PATJ: variants seen among roughly 807,000 people sequenced by gnomAD.
PATJ encodes PATJ crumbs cell polarity complex component, also known as inaD-like protein.
PATJ carries 190 observed loss-of-function variants against 224.9 expected under a neutral mutation model. The ratio of observed to expected loss-of-function variants is 0.84; its 90% CI spans 0.75 to 0.95. The LOEUF (loss-of-function observed/expected upper bound fraction) is 0.95. PATJ is among the 40% of genes least tolerant of loss of function. The pLI is 0.00. For missense variants in PATJ, 2,121 were observed against 2,270.3 expected, an observed-to-expected ratio of 0.93 and a Z score of 1.34; for synonymous variants, 769 against 820.3, an observed-to-expected ratio of 0.94 and a Z score of 1.07.
chr1:62,112,634 T>C (rs1057204351), intron 34 of PATJ, among the ~76,000 whole-genome samples: 7 of 152,234 alleles, frequency 4.6e-5, no homozygotes, highest in African/African-American at 7.2e-5. Flanking sequence ...AACTGACATC[T>C]TGGGGGAGCT....
rs770415215 is a variant in PATJ at position 61,864,577 on chromosome 1, G to A, written c.2779G>A (p.Gly927Arg). 79 of 1,610,562 alleles carry A rather than the reference G, an allele frequency of 4.9e-5. No homozygotes were observed. In the East Asian group the frequency reaches 1.6e-3, roughly 32 times the overall value. Residue 927 changes from glycine to arginine, a missense_variant, in exon 20 of 44, where the codon GGG becomes AGG. By Grantham distance (125) the Gly-to-Arg change is moderately radical. Transcript: ENST00000642238. ...EPSESQEART[G>R]RTVYSQEAQP... ...ATCCGAGTCTCAAGAGGCAAGAACC[G>A]GGAGGACTGTCTATTCCCAGGAGGC...
intron 32 of PATJ, 108 bp from the exon 33 acceptor site, chr1:62,084,407 G>C: frequency 8.6e-7 from 1 of 1,166,748 alleles, no homozygotes; most frequent in Non-Finnish European, 1.2e-6. Context: ...GGCAGGAAAA[G>C]AGTGCAGTGA....
intron 26 of PATJ, among the ~76,000 whole-genome samples, chr1:61,921,504 T>C (rs1175926361): frequency 6.6e-6 from 1 of 152,214 alleles, no homozygotes; most frequent in Non-Finnish European, 1.5e-5. Context: ...GAGGTGTTTC[T>C]TTTTCCCTAC....
In PATJ at chr1:62,121,180, G is replaced by T. The variant is rs537327625; in HGVS notation, c.4891-1G>T. On this transcript the variant is annotated splice_acceptor_variant, in intron 37 of 43. Coordinates refer to ENST00000642238, the MANE Select transcript of PATJ (RefSeq NM_001350145.3). LOFTEE classifies it high-confidence loss of function. The stretch of plus-strand genomic sequence containing the variant: ...AGGTGACCCCTGGGTCTTTCTTTCA[G>T]GGTAGTCAGCAGAGTGCACACAGCA... The T allele has an allele frequency of 6.2e-7, 1 of 1,608,142 alleles. No homozygotes were observed. Among genetic ancestry groups the T allele is most frequent in the South Asian group, 1.1e-5 (1 of 90,440 alleles).
At chr1:61,826,620 C>A (rs774429444) in intron 15 of PATJ, among the ~76,000 whole-genome samples, 1 of 151,772 alleles carries the variant, frequency 6.6e-6, no homozygotes, top group Non-Finnish European at 1.5e-5. Context: ...ATCTTTGGAG[C>A]CAAGTATTAT....
chr1:62,058,164 T>G (rs911034378), intron 31 of PATJ, among the ~76,000 whole-genome samples: 6 of 152,178 alleles, frequency 3.9e-5, no homozygotes, highest in African/African-American at 1.4e-4. Flanking sequence ...AGTTTCTTTG[T>G]GGAGATTTTA....
intron 27 of PATJ, among the ~76,000 whole-genome samples, chr1:61,959,425 A>ATTTTTTTCTTTTTT (rs1557944867): frequency 1.6e-5 from 1 of 61,152 alleles, no homozygotes; most frequent in African/African-American, 6.7e-5. Context: ...TATATAATAT[A>ATTTTTTTCTTTTTT]TTTTTTTTCT....
intron 16 of PATJ, among the ~76,000 whole-genome samples, chr1:61,828,460 G>A (rs936990107): frequency 7.9e-5 from 12 of 151,048 alleles, no homozygotes; most frequent in Admixed American, 6.6e-4. Flanking sequence ...TTTGAACATG[G>A]CTCACTGTAG....
At position 61,852,632 on chromosome 1, in the gene PATJ, G is replaced by A. The variant is rs902954890; in HGVS notation, c.2113-3398G>A. On this transcript the variant is annotated intron_variant, in intron 17 of 43. Transcript: ENST00000642238. ...ATGTAAATATGCCTGGGGGCCTGGG[G>A]GTTGGGTAAGGGTTTTGAGAAGTGT... is the stretch of plus-strand genomic sequence containing the variant. 2.0e-5 allele frequency: 3 copies of A among 152,268 alleles called. No homozygotes were observed. The South Asian group carries it at 6.2e-4, about 32-fold the overall frequency. 9.4% of individuals were successfully genotyped at this position (152,268 alleles called of 1,614,324 possible).
In PATJ at chr1:62,161,326, G is replaced by A. The variant is rs992773488; in HGVS notation, c.*272G>A. On this transcript the variant is annotated 3_prime_UTR_variant, in exon 44 of 44. Transcript: ENST00000642238. ...GTTTTGCATTTAATTTCAGTGTTCC[G>A]ATTTCTTTTTTTTTTTTTTTTTTTT... The A allele has an allele frequency of 6.5e-5, 14 of 215,136 alleles. No homozygotes were observed. The highest frequency in any genetic ancestry group is 2.7e-4 in the African/African-American group (10 of 37,682). The allele number at this position is 215,136 out of a possible 1,614,324, so 13.3% of individuals were successfully genotyped here.
chr1:61,762,973 G>A (rs1646049722), intron 2 of PATJ, 40 bp from the exon 3 acceptor site: 1 of 1,546,248 alleles, frequency 6.5e-7, no homozygotes, highest in Admixed American at 1.8e-5. Flanking sequence ...AATCTCAAAT[G>A]GGACTTAACT....
chr1:61,886,326 A>C (rs564080395), intron 22 of PATJ, among the ~76,000 whole-genome samples: 1 of 152,336 alleles, frequency 6.6e-6, no homozygotes, highest in Non-Finnish European at 1.5e-5. Context: ...ATTTTAACAA[A>C]AGTGTCCTCA....
intron 26 of PATJ, among the ~76,000 whole-genome samples, chr1:61,923,107 G>A (rs1424024695): frequency 2.0e-5 from 3 of 152,224 alleles, no homozygotes; most frequent in Admixed American, 2.0e-4. Flanking sequence ...TAGGAGCCCA[G>A]TAATACCAAA....
chr1:61,881,382 T>TCCGTGAAC (rs1668069315), intron 21 of PATJ, among the ~76,000 whole-genome samples: 1 of 150,094 alleles, frequency 6.7e-6, no homozygotes, highest in Non-Finnish European at 1.5e-5. Context: ...CTTCCCAGGA[T>TCCGTGAAC]CCATGAACCA....
At chr1:61,783,721 T>G (rs552197161) in intron 7 of PATJ, among the ~76,000 whole-genome samples, 6 of 149,948 alleles carry the variant, frequency 4.0e-5, no homozygotes, top group East Asian at 1.9e-4. Context: ...GTAATGTGAG[T>G]TTTTTTTTAG....
Position 61,827,408 on chromosome 1 carries a change from C to T in PATJ, c.1819-14C>T. 2 of 1,608,900 alleles carry T rather than the reference C, an allele frequency of 1.2e-6. No individual in the cohort carries two copies. Among genetic ancestry groups the T allele is most frequent in the East Asian group, 2.2e-5 (1 of 44,716 alleles). ...GGGCTGGCTCAGTTCTGACTTATCC[C>T]CTTGTCTTCCTAGGTCAATGGCATG... On this transcript the variant is annotated splice_polypyrimidine_tract_variant and intron_variant, in intron 15 of 43. Transcript: ENST00000642238.
At chr1:61,898,950 C>G in intron 22 of PATJ, among the ~76,000 whole-genome samples, 1 of 135,568 alleles carries the variant, frequency 7.4e-6, no homozygotes, top group African/African-American at 2.9e-5. Context: ...CCATGCACAG[C>G]TGATTTTTTT....
chr1:62,070,809 T>G (rs930966977), intron 31 of PATJ, among the ~76,000 whole-genome samples: 1 of 152,192 alleles, frequency 6.6e-6, no homozygotes, highest in Non-Finnish European at 1.5e-5. Context: ...GGCAGCTAAG[T>G]GTAGGCATGG....
At chr1:62,126,150 G>T (rs1665700900) in intron 39 of PATJ, among the ~76,000 whole-genome samples, 1 of 152,144 alleles carries the variant, frequency 6.6e-6, no homozygotes, top group African/African-American at 2.4e-5. Flanking sequence ...AAACAGAATT[G>T]AGGATTCGTT....
Sources: allele counts gnomAD v4.1 joint callset (sites outside exome capture counted in the v4.1 genomes callset), GRCh38; gene constraint gnomAD v4.1.1; transcripts MANE v1.5; gene names NCBI Gene and HGNC (gene_info 2026-07-23, HGNC 2026-07-21).